The following MRPS28 variants were observed in gnomAD, a reference collection of about 807,000 sequenced individuals.
MRPS28 encodes the protein mitochondrial ribosomal protein S28.
Under a neutral mutation model 10.8 loss-of-function variants are expected in MRPS28, and 7 were observed. The ratio of observed to expected loss-of-function variants is 0.65; its 90% CI spans 0.37 to 1.22. MRPS28 has a LOEUF of 1.22. Ranked by LOEUF, MRPS28 falls within the 50% of genes most tolerant of loss-of-function variation. The pLI is 0.02. For synonymous variants in MRPS28, 121 were observed against 93.3 expected (o/e 1.30, Z -1.71); for missense variants, 265 against 232.9 (o/e 1.14, Z -0.90).
intron 1 of MRPS28, among the ~76,000 whole-genome samples, chr8:80,026,437 GT>G (rs1236375337): frequency 6.6e-6 from 1 of 152,142 alleles, no homozygotes. Context: ...TTGTACAATT[GT>G]TTGTGGACAG....
At chr8:79,986,021 T>C (rs1808156797) in intron 2 of MRPS28, among the ~76,000 whole-genome samples, 1 of 151,976 alleles carries the variant, frequency 6.6e-6, no homozygotes, top group South Asian at 2.1e-4. Context: ...GATGCAAAAA[T>C]CCTCAATAAA....
At chr8:80,001,181 T>C (rs1010697563) in intron 2 of MRPS28, among the ~76,000 whole-genome samples, 1 of 152,220 alleles carries the variant, frequency 6.6e-6, no homozygotes, top group Non-Finnish European at 1.5e-5. Flanking sequence ...CTTGTAAGAA[T>C]AAGACAGGCA....
At chr8:80,014,418 A>C (rs1350013178) in intron 1 of MRPS28, among the ~76,000 whole-genome samples, 3 of 152,228 alleles carry the variant, frequency 2.0e-5, no homozygotes, top group Non-Finnish European at 4.4e-5. Context: ...GCAGCAAAGA[A>C]AAGACTCCAA....
At chr8:80,023,952 G>A (rs928783481) in intron 1 of MRPS28, among the ~76,000 whole-genome samples, 1 of 152,194 alleles carries the variant, frequency 6.6e-6, no homozygotes, top group Non-Finnish European at 1.5e-5. Context: ...GGGACGGCCT[G>A]GTGTGGTGGC....
At chr8:79,975,950 C>T (rs1229015670) in intron 2 of MRPS28, among the ~76,000 whole-genome samples, 1 of 152,114 alleles carries the variant, frequency 6.6e-6, no homozygotes, top group Non-Finnish European at 1.5e-5. Context: ...TAGTAAAATG[C>T]TATGCAGTCT....
At chr8:80,028,073 T>C (rs1303948284) in intron 1 of MRPS28, among the ~76,000 whole-genome samples, 2 of 152,208 alleles carry the variant, frequency 1.3e-5, no homozygotes, top group Non-Finnish European at 2.9e-5. Context: ...CTGGGGACTC[T>C]AAAACACCTT....
chr8:79,983,361 G>A (rs1296317316), intron 2 of MRPS28, among the ~76,000 whole-genome samples: 10 of 152,276 alleles, frequency 6.6e-5, no homozygotes, highest in African/African-American at 2.2e-4. Context: ...CTAAAAAGCA[G>A]AGCGCCTCTC....
intron 2 of MRPS28, among the ~76,000 whole-genome samples, chr8:79,979,547 AG>A: frequency 6.6e-6 from 1 of 152,272 alleles, no homozygotes; most frequent in African/African-American, 2.4e-5. Context: ...CTTGTGAGAC[AG>A]GGTCTTACTC....
intron 2 of MRPS28, among the ~76,000 whole-genome samples, chr8:79,959,044 G>A (rs899576150): frequency 6.6e-6 from 1 of 152,056 alleles, no homozygotes; most frequent in African/African-American, 2.4e-5. Flanking sequence ...TTCAACTAGA[G>A]CTACATAACA....
chr8:79,945,433 T>C (rs1295861563), intron 2 of MRPS28, among the ~76,000 whole-genome samples: 1 of 152,070 alleles, frequency 6.6e-6, no homozygotes, highest in African/African-American at 2.4e-5. Flanking sequence ...ATTCAACAAA[T>C]CACATTGGGA....
intron 2 of MRPS28, among the ~76,000 whole-genome samples, chr8:79,965,253 T>C (rs1018863904): frequency 2.6e-5 from 4 of 152,062 alleles, no homozygotes; most frequent in Non-Finnish European, 4.4e-5. Flanking sequence ...AGGAAGGAAA[T>C]TGAATGATAG....
intron 2 of MRPS28, among the ~76,000 whole-genome samples, chr8:79,973,379 A>G: frequency 6.6e-6 from 1 of 152,152 alleles, no homozygotes; most frequent in East Asian, 1.9e-4. Context: ...ACCACACCAT[A>G]CCCTCAGCCA....
intron 2 of MRPS28, among the ~76,000 whole-genome samples, chr8:79,920,715 A>C (rs1365571442): frequency 6.6e-6 from 1 of 152,100 alleles, no homozygotes; most frequent in Non-Finnish European, 1.5e-5. Flanking sequence ...TAGATTGCAA[A>C]AATTTTCTCC....
At chr8:79,952,027 C>T (rs1361449922) in intron 2 of MRPS28, among the ~76,000 whole-genome samples, 4 of 152,206 alleles carry the variant, frequency 2.6e-5, no homozygotes, top group Non-Finnish European at 5.9e-5. Context: ...CTTCATTACA[C>T]ATGACGGCGC....
At chr8:80,026,893 C>G (rs192201547) in intron 1 of MRPS28, among the ~76,000 whole-genome samples, 1 of 152,162 alleles carries the variant, frequency 6.6e-6, no homozygotes, top group African/African-American at 2.4e-5. Context: ...TTTTAAATAG[C>G]ATTTTATATT....
chr8:79,919,691 C>G (rs1193911564), intron 2 of MRPS28, among the ~76,000 whole-genome samples: 4 of 152,170 alleles, frequency 2.6e-5, no homozygotes, highest in African/African-American at 9.7e-5. Context: ...AACGGAAATT[C>G]AAGCAAGACA....
intron 2 of MRPS28, among the ~76,000 whole-genome samples, chr8:79,964,083 G>A (rs1807442725): frequency 2.0e-5 from 3 of 151,926 alleles, no homozygotes; most frequent in African/African-American, 7.3e-5. Context: ...TTCAGAGGTT[G>A]GGCACAAAGA....
intron 1 of MRPS28, among the ~76,000 whole-genome samples, chr8:80,018,577 G>A (rs892903217): frequency 6.6e-6 from 1 of 152,104 alleles, no homozygotes; most frequent in Non-Finnish European, 1.5e-5. Context: ...ACAGTTTGAA[G>A]TTCCACAAAA....
intron 1 of MRPS28, among the ~76,000 whole-genome samples, chr8:80,006,936 C>A (rs1808866279): frequency 6.6e-6 from 1 of 152,198 alleles, no homozygotes; most frequent in African/African-American, 2.4e-5. Flanking sequence ...CCAGTATCAT[C>A]CTGATACCAA....
Sources: allele counts gnomAD v4.1 joint callset (sites outside exome capture counted in the v4.1 genomes callset), GRCh38; gene constraint gnomAD v4.1.1; transcripts MANE v1.5; gene names NCBI Gene and HGNC (gene_info 2026-07-23, HGNC 2026-07-21).